Variants in DENND2A observed in about 807,000 individuals in gnomAD.
DENND2A encodes DENN domain containing 2A, also known as DENN domain-containing protein 2A.
In DENND2A, 53 loss-of-function variants were observed where a neutral mutation model predicts 105.3. The observed-to-expected ratio is 0.50, with a 90% CI of 0.40 to 0.63. The LOEUF is 0.63. Among genes scored for constraint, DENND2A ranks in the 30% least tolerant of loss-of-function variants. The probability of loss-of-function intolerance (pLI) is 0.00; values close to 1 mark genes in which losing one functional copy is unlikely to be tolerated. For missense variants in DENND2A, 1,138 were observed against 1,279.6 expected (o/e 0.89, Z 1.69); for synonymous variants, 522 against 508.4 (o/e 1.03, Z -0.36).
intron 2 of DENND2A, among the ~76,000 whole-genome samples, chr7:140,603,108 C>A (rs1471751551): frequency 6.6e-6 from 1 of 152,112 alleles, no homozygotes; most frequent in African/African-American, 2.4e-5. Flanking sequence ...CATGGTGAAA[C>A]CCCGTCTGTA....
chr7:140,619,859 A>G (rs1283292208), intron 1 of DENND2A, among the ~76,000 whole-genome samples: 1 of 151,894 alleles, frequency 6.6e-6, no homozygotes, highest in Non-Finnish European at 1.5e-5. Context: ...GGTGAATTGT[A>G]TGGCATGTGA....
intron 12 of DENND2A, among the ~76,000 whole-genome samples, chr7:140,551,795 T>C (rs10230417): frequency 0.022 from 3,378 of 152,306 alleles, 123 homozygotes; most frequent in African/African-American, 0.077. Context: ...CCATCCTTGC[T>C]CCACGCCTAG....
At chr7:140,607,103 C>T (rs147256258) in intron 1 of DENND2A, among the ~76,000 whole-genome samples, 39 of 152,288 alleles carry the variant, frequency 2.6e-4, no homozygotes, top group African/African-American at 8.4e-4. Context: ...TGGGTATTTA[C>T]GTTACGTTTC....
chr7:140,562,818 G>T (rs902651468), intron 9 of DENND2A, among the ~76,000 whole-genome samples: 1 of 152,182 alleles, frequency 6.6e-6, no homozygotes, highest in Non-Finnish European at 1.5e-5. Flanking sequence ...TATAGACTTA[G>T]TTGTCCTTTA....
chr7:140,635,451 T>G (rs1369095519), intron 1 of DENND2A, among the ~76,000 whole-genome samples: 1 of 152,124 alleles, frequency 6.6e-6, no homozygotes, highest in East Asian at 1.9e-4. Context: ...TCAGATAAGA[T>G]CCGCAGTGTA....
In DENND2A at chr7:140,521,612, T is replaced by G. The variant is rs556565283; in HGVS notation, c.2911+243A>C. Among the ~76,000 whole-genome samples, 4 of 152,240 alleles carry G rather than the reference T, an allele frequency of 2.6e-5. No homozygotes were observed. The East Asian group carries it at 7.7e-4, about 29-fold the overall frequency. The stretch of plus-strand genomic sequence containing the variant: ...TTTCATCAATTTGGAAAGAATGGGA[T>G]AGAAGGAGACCCTGCCACAGACACT... On this transcript the variant is annotated intron_variant, in intron 18 of 19. Transcript: ENST00000496613.
chr7:140,611,258 AC>A (rs553039289), intron 1 of DENND2A, among the ~76,000 whole-genome samples: 37 of 152,294 alleles, frequency 2.4e-4, no homozygotes, highest in African/African-American at 8.9e-4. Context: ...TGGGCTGGGT[AC>A]AGTGGCCCAC....
chr7:140,584,677 C>T (rs1005723783), intron 5 of DENND2A, among the ~76,000 whole-genome samples: 2 of 152,204 alleles, frequency 1.3e-5, no homozygotes, highest in African/African-American at 4.8e-5. Context: ...GCCCTCTGGG[C>T]ATTCAGACAG....
intron 7 of DENND2A, 55 bp downstream of exon 7, chr7:140,569,590 G>GA (rs1303961668): frequency 3.9e-6 from 5 of 1,278,198 alleles, no homozygotes; most frequent in Non-Finnish European, 3.4e-6. Flanking sequence ...GCCACTTCTG[G>GA]AAAGAATCTC....
rs536934640 is a variant in DENND2A at position 140,572,517 on chromosome 7, C to G, written c.1446+1291G>C. ...GTGGCTCATGCCTGTAATCCCAGCA[C>G]TTTGGGAGGCTGAGGCAGGCGGATC... is the stretch of plus-strand genomic sequence containing the variant. On this transcript the variant is annotated intron_variant, in intron 6 of 19. Transcript: ENST00000496613. Among the ~76,000 whole-genome samples the G allele has an allele frequency of 1.4e-3, 208 of 151,842 alleles. 2 individuals are homozygous for G. The highest frequency in any genetic ancestry group is 4.8e-3 in the African/African-American group (200 of 41,498).
chr7:140,557,543 T>TTA (rs1797425499), intron 11 of DENND2A, among the ~76,000 whole-genome samples: 3 of 53,706 alleles, frequency 5.6e-5, no homozygotes, highest in Non-Finnish European at 1.4e-4. Context: ...TTTTTTTTTT[T>TTA]TTTTTTTTTT....
chr7:140,571,547 T>C (rs1798097944), intron 6 of DENND2A, among the ~76,000 whole-genome samples: 1 of 152,048 alleles, frequency 6.6e-6, no homozygotes, highest in Non-Finnish European at 1.5e-5. Flanking sequence ...GGCCATTTAG[T>C]TGGCTTCTAT....
intron 4 of DENND2A, among the ~76,000 whole-genome samples, chr7:140,586,313 G>A (rs1798777234): frequency 6.6e-6 from 1 of 151,854 alleles, no homozygotes; most frequent in Admixed American, 6.6e-5. Flanking sequence ...GAGCCCAGGA[G>A]TTTGAGACTA....
At chr7:140,633,476 T>C (rs1188961964) in intron 1 of DENND2A, among the ~76,000 whole-genome samples, 1 of 152,172 alleles carries the variant, frequency 6.6e-6, no homozygotes, top group African/African-American at 2.4e-5. Context: ...TTTTACTTTC[T>C]CTACAGTCCT....
In DENND2A at chr7:140,601,734, G is replaced by A; in HGVS notation, c.664C>T (p.Leu222=). The A allele has an allele frequency of 1.2e-6, 2 of 1,614,038 alleles. No individual in the cohort carries two copies. Among genetic ancestry groups the A allele is most frequent in the Non-Finnish European group, 1.7e-6 (2 of 1,180,014 alleles). Reference sequence around the variant, plus strand: ...TCAGGGGTGGGCTCCCTGCCTTCCAGGTCCGAGGGGTGGACCCTCTGGCTG... The same window carrying A: ...TCAGGGGTGGGCTCCCTGCCTTCCAAGTCCGAGGGGTGGACCCTCTGGCTG... ...EVSQRVHPSD[L]EGREPTPELV... Residue 222 remains leucine (L), a synonymous_variant, in exon 3 of 20, where the codon CTG becomes TTG. Transcript: ENST00000496613.
intron 11 of DENND2A, among the ~76,000 whole-genome samples, 172 bp from the exon 12 acceptor site, chr7:140,555,885 T>C (rs1223268333): frequency 6.6e-6 from 1 of 152,228 alleles, no homozygotes; most frequent in African/African-American, 2.4e-5. Context: ...ATGTTTGTTA[T>C]AATTGTTTTG....
chr7:140,584,258 A>G (rs1398202141), intron 5 of DENND2A, among the ~76,000 whole-genome samples: 1 of 152,202 alleles, frequency 6.6e-6, no homozygotes, highest in Non-Finnish European at 1.5e-5. Flanking sequence ...CAAAAACAAA[A>G]AACAACAACA....
chr7:140,634,625 C>CTTTGTT (rs1242802139), intron 1 of DENND2A, among the ~76,000 whole-genome samples: 1 of 152,098 alleles, frequency 6.6e-6, no homozygotes, highest in Non-Finnish European at 1.5e-5. Context: ...AATTCCAGCA[C>CTTTGTT]TTTGGGAGGC....
intron 14 of DENND2A, among the ~76,000 whole-genome samples, chr7:140,531,870 G>T (rs1252581326): frequency 6.6e-6 from 1 of 151,444 alleles, no homozygotes; most frequent in Non-Finnish European, 1.5e-5. Flanking sequence ...TGTGTGGTGG[G>T]GGCGGGTGGG....
Sources: gnomAD v4.1 joint callset for allele counts (sites outside exome capture counted in the v4.1 genomes callset) on GRCh38, gnomAD v4.1.1 for gene constraint, MANE v1.5 for transcripts, NCBI Gene and HGNC (gene_info 2026-07-23, HGNC 2026-07-21) for gene names.